Variants in ATF7 observed in about 807,000 individuals in gnomAD.
ATF7 encodes cyclic AMP-dependent transcription factor ATF-7.
Under a neutral mutation model 50.4 loss-of-function variants are expected in ATF7, and 10 were observed. The ratio of observed to expected loss-of-function variants is 0.20; its 90% CI spans 0.12 to 0.34. The LOEUF is 0.34. Ranked by LOEUF, ATF7 falls within the 10% of genes least tolerant of loss-of-function variation. The pLI, the probability that ATF7 is intolerant of heterozygous loss-of-function variation, is 1.00. For missense variants in ATF7, 465 were observed against 613.9 expected (o/e 0.76, Z 2.56); for synonymous variants, 201 against 226.4 (o/e 0.89, Z 1.01).
chr12:53,512,333 T>G lies in ATF7; in HGVS notation c.*4804A>C, dbSNP rs1277591732. 1 of 152,238 alleles carries G rather than the reference T, an allele frequency of 6.6e-6. No homozygotes were observed. The highest frequency in any genetic ancestry group is 2.4e-5 in the African/African-American group (1 of 41,460). The allele number at this position is 152,238 out of a possible 1,614,324, so 9.4% of individuals were successfully genotyped here. ...CAAAAAACAAAATAGCCTGCAGCACTGCATCCTCCTACCTGTCAAAGGCCA... is the reference window on the plus strand; with the variant it reads ...CAAAAAACAAAATAGCCTGCAGCACGGCATCCTCCTACCTGTCAAAGGCCA... On this transcript the variant is annotated 3_prime_UTR_variant, in exon 12 of 12. Transcript: ENST00000420353.
At chr12:53,610,330 C>T (rs908682765) in intron 1 of ATF7, among the ~76,000 whole-genome samples, 3 of 151,734 alleles carry the variant, frequency 2.0e-5, no homozygotes, top group South Asian at 2.1e-4. Flanking sequence ...TTTGGGACGA[C>T]GAGGCAGGTG....
chr12:53,511,069 T>C (rs1279489736), downstream of ATF7, among the ~76,000 whole-genome samples: 1 of 152,210 alleles, frequency 6.6e-6, no homozygotes, highest in Non-Finnish European at 1.5e-5. Flanking sequence ...ATTTCTCTCC[T>C]ACTGGGAAAC....
At position 53,513,247 on chromosome 12, in the gene ATF7, A is replaced by G. The variant is rs568002823; in HGVS notation, c.*3890T>C. ...ACCCCAAAGAGAGACAACACAGCTG[A>G]TGCAGACGGTGGTAATGGTGGCCAG... is the stretch of plus-strand genomic sequence containing the variant. On this transcript the variant is annotated 3_prime_UTR_variant, in exon 12 of 12. Transcript: ENST00000420353. 5 of 152,342 alleles carry G rather than the reference A, an allele frequency of 3.3e-5. No individual in the cohort carries two copies. In the East Asian group the frequency reaches 7.7e-4, roughly 23 times the overall value. The allele number at this position is 152,342 out of a possible 1,614,324, so 9.4% of individuals were successfully genotyped here.
intron 2 of ATF7, among the ~76,000 whole-genome samples, chr12:53,554,389 C>T (rs2137517745): frequency 6.6e-6 from 1 of 151,844 alleles, no homozygotes; most frequent in Non-Finnish European, 1.5e-5. Context: ...CCTTGGCCTC[C>T]CAAAGTGCTG....
chr12:53,527,756 C>T (rs1260135672), intron 9 of ATF7, among the ~76,000 whole-genome samples: 4 of 151,708 alleles, frequency 2.6e-5, no homozygotes, highest in African/African-American at 9.7e-5. Flanking sequence ...GCCAGAGTGA[C>T]AGAGTGAGAC....
downstream of ATF7, chr12:53,508,319 T>C (rs1372269269): frequency 1.2e-4 from 18 of 151,620 alleles, no homozygotes; most frequent in Non-Finnish European, 1.5e-5. Context: ...CCCAGCACTT[T>C]GGGAGACCAA....
intron 2 of ATF7, among the ~76,000 whole-genome samples, chr12:53,585,206 G>A (rs896650790): frequency 6.6e-6 from 1 of 151,946 alleles, no homozygotes; most frequent in African/African-American, 2.4e-5. Context: ...GAACTCCTGG[G>A]CTCCAGCAAT....
intron 3 of ATF7, among the ~76,000 whole-genome samples, chr12:53,550,849 TAGG>T (rs1015346274): frequency 6.6e-6 from 1 of 152,194 alleles, no homozygotes; most frequent in African/African-American, 2.4e-5. Flanking sequence ...CAAATAGTAA[TAGG>T]AGAACATGTT....
chr12:53,601,079 A>G, intron 1 of ATF7, 58 bp from the exon 2 acceptor site: 1 of 1,297,696 alleles, frequency 7.7e-7, no homozygotes. Flanking sequence ...CAAAAAAAAA[A>G]AAAAAGTGCT....
Position 53,550,310 on chromosome 12 carries a change from T to C in ATF7, c.145+2231A>G, listed in dbSNP as rs1940254543. On this transcript the variant is annotated intron_variant, in intron 3 of 11. Transcript: ENST00000420353. ...CTGCACTCCAGTCTGGGCAACAGAGTGAGACCCTGTCTCAAAAAAAAAAAT... is the reference window on the plus strand; with the variant it reads ...CTGCACTCCAGTCTGGGCAACAGAGCGAGACCCTGTCTCAAAAAAAAAAAT... 2.9e-5 allele frequency among the ~76,000 whole-genome samples: 4 copies of C among 138,676 alleles called. No homozygotes were observed. In the South Asian group the frequency reaches 6.7e-4, roughly 23 times the overall value. The allele number at this position is 138,676 out of a possible 152,430, so 91.0% of individuals were successfully genotyped here.
rs1451875962 is a variant in ATF7 at position 53,543,420 on chromosome 12, C to T, written c.174G>A (p.Leu58=). ...AGAGTCCCACCTCCTCACAGTTCTT[C>T]AGGAATCTAGTTGGAGTAGGCGTTT... is the stretch of plus-strand genomic sequence containing the variant. ...ADQTPTPTRF[L]KNCEEVGLFN... The change falls in exon 4 of 12, where the codon CTG becomes CTA. Residue 58 remains leucine, a synonymous_variant. Transcript: ENST00000420353. 1 of 1,600,354 alleles carries T rather than the reference C, an allele frequency of 6.2e-7. No homozygotes were observed. The highest frequency in any genetic ancestry group is 8.5e-7 in the Non-Finnish European group (1 of 1,172,618).
chr12:53,623,521 T>A (rs1944486665), intron 1 of ATF7, among the ~76,000 whole-genome samples: 1 of 152,232 alleles, frequency 6.6e-6, no homozygotes, highest in Admixed American at 6.5e-5. Flanking sequence ...TTAACTTTAG[T>A]ACTTTTATTA....
At chr12:53,543,570 G>T (rs1336710310) in intron 3 of ATF7, 122 bp from the exon 4 acceptor site, 2 of 1,148,038 alleles carry the variant, frequency 1.7e-6, no homozygotes, top group Non-Finnish European at 1.2e-6. Flanking sequence ...TTTGTGTTAG[G>T]GCAAATTTGC....
intron 2 of ATF7, among the ~76,000 whole-genome samples, chr12:53,556,964 C>T (rs1251399734): frequency 6.6e-6 from 1 of 152,100 alleles, no homozygotes; most frequent in East Asian, 1.9e-4. Context: ...CATTATGTTG[C>T]CCAGGCTGTT....
chr12:53,556,873 G>A (rs1459276759), intron 2 of ATF7, among the ~76,000 whole-genome samples: 1 of 152,112 alleles, frequency 6.6e-6, no homozygotes, highest in East Asian at 1.9e-4. Context: ...TCATTCATAG[G>A]AAACCATCCC....
chr12:53,511,047 GCTT>G (rs1944118100), downstream of ATF7, among the ~76,000 whole-genome samples: 1 of 152,216 alleles, frequency 6.6e-6, no homozygotes. Flanking sequence ...GCCACAGATA[GCTT>G]CTTAAGTCAT....
chr12:53,613,401 TTTG>T (rs1207419233), intron 1 of ATF7, among the ~76,000 whole-genome samples: 1 of 152,232 alleles, frequency 6.6e-6, no homozygotes, highest in African/African-American at 2.4e-5. Context: ...ATGTAATGGG[TTTG>T]TTATTTTAAA....
At position 53,609,915 on chromosome 12, in the gene ATF7, C is replaced by G. The variant is rs140138501; in HGVS notation, c.-21-8894G>C. ...TACTGCAACCTTTGCCTCCTGGGTTCAACAGATTCTCATGCCTCAGCCTCT... is the reference window on the plus strand; with the variant it reads ...TACTGCAACCTTTGCCTCCTGGGTTGAACAGATTCTCATGCCTCAGCCTCT... On this transcript the variant is annotated intron_variant, in intron 1 of 11. Transcript: ENST00000420353. Among the ~76,000 whole-genome samples the G allele has an allele frequency of 5.7e-3, 843 of 149,084 alleles. 4 individuals are homozygous for G. Among genetic ancestry groups the G allele is most frequent in the African/African-American group, 0.02 (798 of 40,434 alleles).
intron 2 of ATF7, among the ~76,000 whole-genome samples, chr12:53,585,296 C>T (rs1030638454): frequency 2.0e-5 from 3 of 152,044 alleles, no homozygotes; most frequent in Admixed American, 6.6e-5. Flanking sequence ...TTTGTTAAAA[C>T]CTACAGAATT....
Sources: gnomAD v4.1 joint callset for allele counts (sites outside exome capture counted in the v4.1 genomes callset) on GRCh38, gnomAD v4.1.1 for gene constraint, MANE v1.5 for transcripts, NCBI Gene and HGNC (gene_info 2026-07-23, HGNC 2026-07-21) for gene names.